Variants in NELL2 observed in about 807,000 individuals in gnomAD.
NELL2 encodes the protein neural EGFL like 2.
NELL2 carries 41 observed loss-of-function variants against 109.6 expected under a neutral mutation model. That is an observed-to-expected ratio of 0.37 (90% confidence interval 0.29 to 0.49). The LOEUF (loss-of-function observed/expected upper bound fraction) is 0.49. NELL2 is among the 20% of genes least tolerant of loss of function. The pLI is 0.98. For synonymous variants in NELL2, 355 were observed against 344.7 expected, an observed-to-expected ratio of 1.03 and a Z score of -0.33; for missense variants, 900 against 1,008.3, an observed-to-expected ratio of 0.89 and a Z score of 1.45.
At chr12:44,742,146 G>A (rs913646981) in intron 9 of NELL2, among the ~76,000 whole-genome samples, 1 of 152,072 alleles carries the variant, frequency 6.6e-6, no homozygotes, top group Non-Finnish European at 1.5e-5. Context: ...AGCATTTGCG[G>A]TTCACCAATA....
chr12:44,687,313 C>A (rs1482983850), intron 12 of NELL2, among the ~76,000 whole-genome samples: 1 of 152,174 alleles, frequency 6.6e-6, no homozygotes, highest in Non-Finnish European at 1.5e-5. Context: ...TCTGGCACTC[C>A]CTAGTGAGAT....
At chr12:44,859,931 G>A (rs1171781743) in intron 2 of NELL2, among the ~76,000 whole-genome samples, 1 of 152,170 alleles carries the variant, frequency 6.6e-6, no homozygotes, top group Admixed American at 6.5e-5. Context: ...AATAATTACA[G>A]CTACCACACT....
intron 12 of NELL2, among the ~76,000 whole-genome samples, chr12:44,668,556 C>T (rs12816610): frequency 1.4e-4 from 22 of 152,132 alleles, no homozygotes; most frequent in African/African-American, 5.1e-4. Flanking sequence ...GCTGCCACCA[C>T]TGCTGGTGCC....
At chr12:44,855,695 G>C (rs558148047) in intron 2 of NELL2, among the ~76,000 whole-genome samples, 3 of 152,278 alleles carry the variant, frequency 2.0e-5, no homozygotes, top group African/African-American at 7.2e-5. Flanking sequence ...GAATATGAGT[G>C]TCTCTGCTAA....
chr12:44,630,061 G>A (rs1478097390), intron 13 of NELL2, among the ~76,000 whole-genome samples: 1 of 152,060 alleles, frequency 6.6e-6, no homozygotes, highest in East Asian at 1.9e-4. Context: ...ATACCTATAT[G>A]CATATTTTGC....
intron 13 of NELL2, among the ~76,000 whole-genome samples, chr12:44,642,814 G>A (rs566510808): frequency 1.3e-5 from 2 of 152,174 alleles, no homozygotes; most frequent in East Asian, 1.9e-4. Context: ...CCCAGGAGGC[G>A]GAGGTTGCAG....
chr12:44,752,492 G>C (rs932380365), intron 9 of NELL2, among the ~76,000 whole-genome samples: 2 of 152,142 alleles, frequency 1.3e-5, no homozygotes, highest in East Asian at 1.9e-4. Context: ...AAGCTGAAAA[G>C]TGACAGACTG....
chr12:44,794,281 T>C (rs941100218), intron 3 of NELL2, among the ~76,000 whole-genome samples: 1 of 152,184 alleles, frequency 6.6e-6, no homozygotes, highest in African/African-American at 2.4e-5. Flanking sequence ...CTCAGAACAA[T>C]ACTCAGTACA....
chr12:44,535,154 C>T (rs923319226), intron 15 of NELL2, among the ~76,000 whole-genome samples: 1 of 151,868 alleles, frequency 6.6e-6, no homozygotes, highest in Non-Finnish European at 1.5e-5. Context: ...AATGTATTTT[C>T]ATATAAACTT....
intron 3 of NELL2, among the ~76,000 whole-genome samples, chr12:44,795,302 G>A (rs1012342668): frequency 1.3e-5 from 2 of 152,158 alleles, no homozygotes; most frequent in Non-Finnish European, 2.9e-5. Flanking sequence ...TATTATCAGT[G>A]TAGCTTATGG....
At chr12:44,651,802 G>A (rs780233917) in intron 13 of NELL2, among the ~76,000 whole-genome samples, 2 of 152,054 alleles carry the variant, frequency 1.3e-5, no homozygotes, top group African/African-American at 2.4e-5. Context: ...GAAACAGGCT[G>A]GCTATAAGAA....
At chr12:44,564,279 T>A (rs1240922506) in intron 15 of NELL2, among the ~76,000 whole-genome samples, 1 of 152,198 alleles carries the variant, frequency 6.6e-6, no homozygotes, top group African/African-American at 2.4e-5. Context: ...AATGCATGGT[T>A]TATTTTGTAA....
chr12:44,861,694 C>T (rs570023259), intron 2 of NELL2, among the ~76,000 whole-genome samples: 5 of 152,330 alleles, frequency 3.3e-5, no homozygotes, highest in Admixed American at 2.0e-4. Flanking sequence ...AGGGCAGCGA[C>T]CATGGACTAT....
intron 13 of NELL2, among the ~76,000 whole-genome samples, chr12:44,649,809 A>G (rs1947238835): frequency 6.6e-6 from 1 of 152,200 alleles, no homozygotes; most frequent in Non-Finnish European, 1.5e-5. Flanking sequence ...CTGAGATTCA[A>G]AAAGACTGAG....
chr12:44,688,183 A>G (rs1948787535), intron 12 of NELL2, among the ~76,000 whole-genome samples: 1 of 152,216 alleles, frequency 6.6e-6, no homozygotes, highest in African/African-American at 2.4e-5. Flanking sequence ...CAGACCAGAA[A>G]AGAACTTGGC....
intron 13 of NELL2, among the ~76,000 whole-genome samples, chr12:44,645,058 T>C (rs1947042452): frequency 1.3e-5 from 2 of 152,126 alleles, no homozygotes; most frequent in East Asian, 1.9e-4. Flanking sequence ...GGAAGAATTA[T>C]GTTTCAAGTA....
At chr12:44,791,183 C>CATATATAT (rs748283455) in intron 3 of NELL2, among the ~76,000 whole-genome samples, 248 of 15,052 alleles carry the variant, frequency 0.016, 32 homozygotes, top group Non-Finnish European at 0.02. Flanking sequence ...AGTATTCCAT[C>CATATATAT]ATATATATAT....
chr12:44,770,792 T>A (rs1022280877), intron 9 of NELL2, among the ~76,000 whole-genome samples: 6 of 152,200 alleles, frequency 3.9e-5, no homozygotes, highest in African/African-American at 1.4e-4. Flanking sequence ...CATTACAGCA[T>A]CAGTTCAGAT....
chr12:44,600,128 ATTTATTTAT>A (rs1212304544), intron 15 of NELL2, among the ~76,000 whole-genome samples: 1 of 22,068 alleles, frequency 4.5e-5, no homozygotes, highest in African/African-American at 2.5e-4. Context: ...CGCCCGGCTA[ATTTATTTAT>A]TTATTTATTT....
Sources: allele counts gnomAD v4.1 joint callset (sites outside exome capture counted in the v4.1 genomes callset), GRCh38; gene constraint gnomAD v4.1.1; transcripts MANE v1.5; gene names NCBI Gene and HGNC (gene_info 2026-07-23, HGNC 2026-07-21).